The following CD74 variants were observed in gnomAD, a reference collection of about 807,000 sequenced individuals.
The protein encoded by CD74 is HLA class II histocompatibility antigen gamma chain.
CD74 carries 20 observed loss-of-function variants against 37.1 expected under a neutral mutation model. The observed-to-expected ratio is 0.54, with a 90% CI of 0.38 to 0.78. CD74 has a LOEUF of 0.78. Among genes scored for constraint, CD74 ranks in the 30% least tolerant of loss-of-function variants. The pLI is 0.00. For synonymous variants in CD74, 150 were observed against 152.0 expected (o/e 0.99, Z 0.10); for missense variants, 338 against 389.5 (o/e 0.87, Z 1.11).
intron 1 of CD74, among the ~76,000 whole-genome samples, chr5:150,411,058 A>G (rs182798289): frequency 9.2e-5 from 14 of 152,338 alleles, no homozygotes; most frequent in African/African-American, 3.1e-4. Context: ...CTCACTAGCT[A>G]TGATTACTTG....
In CD74 at chr5:150,412,855, G is replaced by T; in HGVS notation, c.-106C>A. On this transcript the variant is annotated 5_prime_UTR_variant, in exon 1 of 9. Transcript: ENST00000009530. ...CCACTTGGTAGATGTGGAAGTGAAA[G>T]CTACAAAGGCTGGAAATACCCCACT... The T allele has an allele frequency of 6.4e-7, 1 of 1,559,700 alleles. No individual in the cohort carries two copies. Among genetic ancestry groups the T allele is most frequent in the East Asian group, 2.3e-5 (1 of 44,236 alleles).
rs1246762684 is a variant in CD74 at position 150,404,664 on chromosome 5, C to G, written c.625+16G>C. ...GTCCAGAAGCCCTGGCACGCTAAAG[C>G]TCCCACTCCCTGTACCTTTCGGTGG... is the stretch of plus-strand genomic sequence containing the variant. On this transcript the variant is annotated intron_variant, in intron 6 of 8. Transcript: ENST00000009530. 2 of 1,536,986 alleles carry G rather than the reference C, an allele frequency of 1.3e-6. No individual in the cohort carries two copies. Among genetic ancestry groups the G allele is most frequent in the African/African-American group, 2.7e-5 (2 of 73,100 alleles).
At chr5:150,406,221 G>A (rs1309078560) in intron 4 of CD74, 38 bp downstream of exon 4, 2 of 1,557,620 alleles carry the variant, frequency 1.3e-6, no homozygotes, top group African/African-American at 1.4e-5. Context: ...GGTCCTGGGT[G>A]GGCAGGCAGG....
rs915283461 is a variant in CD74, at chr5:150,402,866, A to G, written c.818-241T>C. ...ATGCTAGAGGATGGCGCGTGGATGGATGAAATTCACAGATGAAAGGACTGA... is the reference window on the plus strand; with the variant it reads ...ATGCTAGAGGATGGCGCGTGGATGGGTGAAATTCACAGATGAAAGGACTGA... On this transcript the variant is annotated intron_variant, in intron 7 of 8. Transcript: ENST00000009530. The surrounding 1 kb of genome is among the most constrained non-coding windows in gnomAD (Gnocchi z 4.2). Among the ~76,000 whole-genome samples, 2 of 152,230 alleles carry G rather than the reference A, an allele frequency of 1.3e-5. No individual in the cohort carries two copies. The highest frequency in any genetic ancestry group is 2.4e-5 in the African/African-American group (1 of 41,460).
intron 6 of CD74, among the ~76,000 whole-genome samples, chr5:150,404,328 G>T (rs998047078): frequency 6.6e-6 from 1 of 152,164 alleles, no homozygotes; most frequent in South Asian, 2.1e-4. Context: ...GCAGCACTGG[G>T]GCAAGGTCAT....
At chr5:150,404,636 A>G (rs1173638346) in intron 6 of CD74, 44 bp downstream of exon 6, 1 of 1,284,454 alleles carries the variant, frequency 7.8e-7, no homozygotes, top group East Asian at 2.5e-5. Context: ...GAGAGCCCCG[A>G]GGGTCCAGAA....
At position 150,403,570 on chromosome 5, in the gene CD74, A is replaced by G. The variant is rs1769769519; in HGVS notation, c.626-258T>C. The stretch of plus-strand genomic sequence containing the variant: ...TCTTCTGACACTCAAAGCCCATTAC[A>G]GTTTTGGGCCAGGCACAGTGGCTCA... On this transcript the variant is annotated intron_variant, in intron 6 of 8. Coordinates refer to ENST00000009530, the MANE Select transcript of CD74 (RefSeq NM_001025159.3). The surrounding 1 kb of genome is among the most constrained non-coding windows in gnomAD (Gnocchi z 4.5). Among the ~76,000 whole-genome samples the G allele has an allele frequency of 6.6e-6, 1 of 152,172 alleles. No individual in the cohort carries two copies. Among genetic ancestry groups the G allele is most frequent in the African/African-American group, 2.4e-5 (1 of 41,446 alleles).
In CD74 at chr5:150,403,276, G is replaced by A. The variant is rs1769751532; in HGVS notation, c.662C>T (p.Pro221Leu). Reference sequence around the variant, plus strand: ...CCTGAATGAACCCGGGTGGACAGCAGGGATGTGGCTGACCTCTTCCTGGCA... The same window carrying A: ...CCTGAATGAACCCGGGTGGACAGCAAGGATGTGGCTGACCTCTTCCTGGCA... ...TKCQEEVSHI[P>L]AVHPGSFRPK... The change falls in exon 7 of 9, where the codon CCT (proline) becomes CTT (leucine). Residue 221 changes from proline (P) to leucine (L), a missense_variant. Pro to Leu is a moderately conservative substitution (Grantham distance 98). Coordinates refer to ENST00000009530, the MANE Select transcript of CD74 (RefSeq NM_001025159.3). The surrounding 1 kb of genome is among the most constrained non-coding windows in gnomAD (Gnocchi z 4.5). 4.3e-6 allele frequency: 7 copies of A among 1,614,044 alleles called. No homozygotes were observed. Among genetic ancestry groups the A allele is most frequent in the Non-Finnish European group, 5.9e-6 (7 of 1,179,888 alleles).
Sources: gnomAD v4.1 joint callset for allele counts (sites outside exome capture counted in the v4.1 genomes callset) on GRCh38, gnomAD v4.1.1 for gene constraint, Gnocchi (gnomAD v3.1) non-coding constraint, MANE v1.5 for transcripts, NCBI Gene and HGNC (gene_info 2026-07-23, HGNC 2026-07-21) for gene names.